Variants in ATRNL1 observed in about 807,000 individuals in gnomAD.
ATRNL1 encodes the protein attractin like 1.
Under a neutral mutation model 182.7 loss-of-function variants are expected in ATRNL1, and 95 were observed. The observed-to-expected ratio is 0.52, with a 90% confidence interval of 0.44 to 0.62. The LOEUF is 0.62. Among genes scored for constraint, ATRNL1 ranks in the 20% least tolerant of loss-of-function variants. The probability of loss-of-function intolerance (pLI) is 0.00; values close to 1 mark genes in which losing one functional copy is unlikely to be tolerated. For missense variants in ATRNL1, 1,471 were observed against 1,679.5 expected (o/e 0.88, Z 2.17); for synonymous variants, 576 against 568.3 (o/e 1.01, Z -0.19).
chr10:115,824,264 T>C (rs1393682868), intron 27 of ATRNL1, among the ~76,000 whole-genome samples: 1 of 152,150 alleles, frequency 6.6e-6, no homozygotes, highest in Non-Finnish European at 1.5e-5. Flanking sequence ...TTACACCTTA[T>C]ACAGAAATTA....
At chr10:115,418,030 A>G (rs1364871091) in intron 20 of ATRNL1, among the ~76,000 whole-genome samples, 1 of 152,218 alleles carries the variant, frequency 6.6e-6, no homozygotes, top group Non-Finnish European at 1.5e-5. Context: ...ATAAGCATCA[A>G]GATCATTCAG....
intron 26 of ATRNL1, among the ~76,000 whole-genome samples, chr10:115,646,124 T>A (rs897534525): frequency 1.3e-5 from 2 of 151,620 alleles, no homozygotes; most frequent in Non-Finnish European, 2.9e-5. Flanking sequence ...ATGATCTGTA[T>A]AAAGGAGATG....
intron 15 of ATRNL1, among the ~76,000 whole-genome samples, chr10:115,295,619 G>T (rs1365261151): frequency 6.6e-6 from 1 of 152,114 alleles, no homozygotes; most frequent in African/African-American, 2.4e-5. Flanking sequence ...GCCTAGGGGC[G>T]TATTAGCTGC....
At position 115,143,311 on chromosome 10, in the gene ATRNL1, A is replaced by G. The variant is rs535377963; in HGVS notation, c.829+13776A>G. On this transcript the variant is annotated intron_variant, in intron 5 of 28. Transcript: ENST00000355044. ...ATAAGATTTTGTTGCCTCTGACTGC[A>G]TAGGACAATGTAAAATGAACAAATC... Among the ~76,000 whole-genome samples the G allele has an allele frequency of 2.6e-5, 4 of 152,302 alleles. No homozygotes were observed. In the South Asian group the frequency reaches 8.3e-4, roughly 32 times the overall value.
chr10:115,323,156 C>G (rs1854671538), intron 18 of ATRNL1, among the ~76,000 whole-genome samples: 1 of 151,768 alleles, frequency 6.6e-6, no homozygotes. Context: ...TATGTTTTTC[C>G]AAGCTCTGCT....
At chr10:115,306,480 A>G (rs1393289694) in intron 17 of ATRNL1, among the ~76,000 whole-genome samples, 1 of 151,704 alleles carries the variant, frequency 6.6e-6, no homozygotes, top group Non-Finnish European at 1.5e-5. Context: ...CATTGTTTTA[A>G]TTCAGTTTTT....
At chr10:115,344,540 C>G (rs929735243) in intron 19 of ATRNL1, among the ~76,000 whole-genome samples, 3 of 152,182 alleles carry the variant, frequency 2.0e-5, no homozygotes, top group Non-Finnish European at 2.9e-5. Flanking sequence ...GGGCTCCCCT[C>G]TGGCCTAGGG....
intron 8 of ATRNL1, among the ~76,000 whole-genome samples, chr10:115,185,773 A>G (rs913189316): frequency 6.6e-6 from 1 of 152,042 alleles, no homozygotes; most frequent in Admixed American, 6.6e-5. Context: ...AAAAATCGTA[A>G]CTACATAGTA....
At chr10:115,619,408 T>C (rs566807730) in intron 26 of ATRNL1, among the ~76,000 whole-genome samples, 1 of 152,000 alleles carries the variant, frequency 6.6e-6, no homozygotes, top group Non-Finnish European at 1.5e-5. Flanking sequence ...TGAAGTGGAC[T>C]GTGTGCCCTG....
intron 28 of ATRNL1, among the ~76,000 whole-genome samples, chr10:115,919,935 C>T (rs1229063058): frequency 1.3e-5 from 2 of 152,080 alleles, no homozygotes; most frequent in African/African-American, 2.4e-5. Flanking sequence ...ACCTAATCAC[C>T]GCCAAAAGGC....
intron 21 of ATRNL1, among the ~76,000 whole-genome samples, chr10:115,441,062 T>C (rs1241640490): frequency 6.6e-6 from 1 of 151,846 alleles, no homozygotes; most frequent in Non-Finnish European, 1.5e-5. Flanking sequence ...CTTTAGTTTA[T>C]TATCGAGGAA....
At chr10:115,468,635 C>T (rs1848169076) in intron 23 of ATRNL1, among the ~76,000 whole-genome samples, 1 of 150,632 alleles carries the variant, frequency 6.6e-6, no homozygotes, top group Non-Finnish European at 1.5e-5. Context: ...TGGCCTCCAC[C>T]CAATTTATTT....
intron 25 of ATRNL1, among the ~76,000 whole-genome samples, chr10:115,540,726 C>T (rs1280167497): frequency 1.3e-5 from 2 of 149,148 alleles, no homozygotes; most frequent in East Asian, 2.0e-4. Context: ...CATTGCACTC[C>T]AGCCTGGGCA....
intron 24 of ATRNL1, among the ~76,000 whole-genome samples, chr10:115,517,581 C>A (rs1177451977): frequency 6.6e-6 from 1 of 151,696 alleles, no homozygotes; most frequent in African/African-American, 2.4e-5. Context: ...TTCATCTGTT[C>A]TCTTTTTTTA....
intron 27 of ATRNL1, among the ~76,000 whole-genome samples, chr10:115,740,086 C>T (rs1948091772): frequency 7.6e-6 from 1 of 132,428 alleles, no homozygotes; most frequent in Non-Finnish European, 1.6e-5. Flanking sequence ...TGTGTAGAAT[C>T]TAAGAAACCA....
chr10:115,687,776 A>G lies in ATRNL1; in HGVS notation c.3796-39472A>G, dbSNP rs78626237. On this transcript the variant is annotated intron_variant, in intron 26 of 28. Coordinates refer to ENST00000355044, the MANE Select transcript of ATRNL1 (RefSeq NM_207303.4). ...TCAATTCAGGGTAATTGGAGTATCA[A>G]TCATCTTGAATGTTTATCATTTTTA... 2.6e-4 allele frequency among the ~76,000 whole-genome samples: 39 copies of G among 152,160 alleles called. No individual in the cohort carries two copies. In the East Asian group the frequency reaches 7.3e-3, roughly 29 times the overall value.
At chr10:115,693,017 C>G (rs769668039) in intron 26 of ATRNL1, among the ~76,000 whole-genome samples, 4 of 151,992 alleles carry the variant, frequency 2.6e-5, no homozygotes, top group Non-Finnish European at 5.9e-5. Context: ...TCATTGATCA[C>G]TGATATTTGA....
intron 1 of ATRNL1, among the ~76,000 whole-genome samples, chr10:115,110,265 C>A (rs1010262080): frequency 1.3e-5 from 2 of 152,080 alleles, no homozygotes; most frequent in Non-Finnish European, 2.9e-5. Context: ...TTACTCTAAT[C>A]ACATGAGCCC....
At position 115,403,257 on chromosome 10, in the gene ATRNL1, C is replaced by CTTTTTTTTTTT. The variant is rs59256867; in HGVS notation, c.3269+8514_3269+8524dup. 1.5e-3 allele frequency among the ~76,000 whole-genome samples: 160 copies of CTTTTTTTTTTT among 107,400 alleles called. 9 individuals are homozygous for CTTTTTTTTTTT. The highest frequency in any genetic ancestry group is 6.7e-3 in the African/African-American group (137 of 20,380). 70.5% of individuals were successfully genotyped at this position (107,400 alleles called of 152,430 possible). A position where few individuals can be genotyped will look rare whatever the true frequency, so the allele number is the denominator to read the frequency against. On this transcript the variant is annotated intron_variant, in intron 20 of 28. Coordinates refer to ENST00000355044, the MANE Select transcript of ATRNL1 (RefSeq NM_207303.4). ...CTTTATTTTTCCTAATTACTCTCAT[C>CTTTTTTTTTTT]TTTTTTTTTTTTTTTTTTTAGTCTG...
Sources: gnomAD v4.1 joint callset for allele counts (sites outside exome capture counted in the v4.1 genomes callset) on GRCh38, gnomAD v4.1.1 for gene constraint, MANE v1.5 for transcripts, NCBI Gene and HGNC (gene_info 2026-07-23, HGNC 2026-07-21) for gene names.